ITPR2: variants seen among roughly 807,000 people sequenced by gnomAD.
ITPR2 encodes the protein inositol 1,4,5-trisphosphate-gated calcium channel ITPR2.
In ITPR2, 207 loss-of-function variants were observed where a neutral mutation model predicts 317.1. The observed-to-expected ratio is 0.65, with a 90% CI of 0.58 to 0.73. ITPR2 has a LOEUF of 0.73. Ranked by LOEUF, ITPR2 falls within the 30% of genes least tolerant of loss-of-function variation. The probability of loss-of-function intolerance (pLI) is 0.00; values close to 1 mark genes in which losing one functional copy is unlikely to be tolerated. For missense variants in ITPR2, 2,613 were observed against 3,284.0 expected, an observed-to-expected ratio of 0.80 and a Z score of 4.99; for synonymous variants, 1,156 against 1,149.1, an observed-to-expected ratio of 1.01 and a Z score of -0.12.
At chr12:26,770,789 C>T (rs1176115404) in intron 2 of ITPR2, among the ~76,000 whole-genome samples, 3 of 152,214 alleles carry the variant, frequency 2.0e-5, no homozygotes, top group Non-Finnish European at 4.4e-5. Flanking sequence ...TTTCCTGTGA[C>T]TGCTACAACA....
In ITPR2 at chr12:26,443,572, A is replaced by T. The variant is rs1315098943; in HGVS notation, c.6421T>A (p.Tyr2141Asn). ...ATCTGTGCAGTGTGGTTGGCATAATACTTTAAGGCTTCATCTCCTTCATCT... is the reference window on the plus strand; with the variant it reads ...ATCTGTGCAGTGTGGTTGGCATAATTCTTTAAGGCTTCATCTCCTTCATCT... ...DPDEGDEALK[Y>N]YANHTAQIEI... The change falls in exon 46 of 57, where the codon TAT becomes AAT. Residue 2141 changes from tyrosine (Y) to asparagine (N), a missense_variant. Coordinates refer to ENST00000381340, the MANE Select transcript of ITPR2 (RefSeq NM_002223.4). 6.2e-7 allele frequency: 1 copy of T among 1,612,782 alleles called. No homozygotes were observed. The highest frequency in any genetic ancestry group is 2.2e-5 in the East Asian group (1 of 44,862).
At chr12:26,753,276 C>T (rs865864488) in intron 2 of ITPR2, among the ~76,000 whole-genome samples, 2 of 152,192 alleles carry the variant, frequency 1.3e-5, no homozygotes, top group Non-Finnish European at 2.9e-5. Context: ...GGTAAAGTCC[C>T]TTTTGCCTAA....
At chr12:26,707,929 T>C (rs1948584266) in intron 9 of ITPR2, among the ~76,000 whole-genome samples, 1 of 151,728 alleles carries the variant, frequency 6.6e-6, no homozygotes, top group South Asian at 2.1e-4. Flanking sequence ...GATTTAAAAA[T>C]GAGTAAAAGA....
chr12:26,515,168 A>G (rs1172349071), intron 37 of ITPR2, among the ~76,000 whole-genome samples: 1 of 152,230 alleles, frequency 6.6e-6, no homozygotes, highest in Non-Finnish European at 1.5e-5. Context: ...AAATCAAAAG[A>G]TATAGGGAGA....
chr12:26,491,702 G>A (rs1218434904), intron 39 of ITPR2, among the ~76,000 whole-genome samples: 1 of 152,060 alleles, frequency 6.6e-6, no homozygotes, highest in Non-Finnish European at 1.5e-5. Context: ...ACAGAAGTTG[G>A]TCATCAGTGG....
At chr12:26,397,210 T>C (rs2136644901) in intron 54 of ITPR2, among the ~76,000 whole-genome samples, 1 of 152,314 alleles carries the variant, frequency 6.6e-6, no homozygotes, top group East Asian at 1.9e-4. Context: ...ATGCGTGGTC[T>C]GGCCAACCTC....
intron 9 of ITPR2, among the ~76,000 whole-genome samples, chr12:26,699,646 T>C (rs1314175059): frequency 1.3e-5 from 2 of 151,646 alleles, no homozygotes; most frequent in Non-Finnish European, 2.9e-5. Context: ...ATAACAATAA[T>C]GATGTGGAAG....
intron 2 of ITPR2, among the ~76,000 whole-genome samples, chr12:26,782,037 T>TATAGAGAGAGAGAG (rs1950102369): frequency 1.9e-5 from 1 of 51,736 alleles, no homozygotes; most frequent in African/African-American, 5.7e-5. Flanking sequence ...TATATATGTA[T>TATAGAGAGAGAGAG]AGAGAGAGAG....
chr12:26,625,791 T>C (rs575694459), intron 23 of ITPR2, among the ~76,000 whole-genome samples: 10 of 152,316 alleles, frequency 6.6e-5, no homozygotes, highest in African/African-American at 2.2e-4. Context: ...ATTATATGGT[T>C]ATTTCCAAAC....
chr12:26,689,508 G>A (rs934769840), intron 10 of ITPR2, among the ~76,000 whole-genome samples: 1 of 151,928 alleles, frequency 6.6e-6, no homozygotes, highest in Non-Finnish European at 1.5e-5. Flanking sequence ...GAAGGATGGA[G>A]GGAAGGGCAA....
chr12:26,554,364 G>A (rs1944607371), intron 36 of ITPR2, among the ~76,000 whole-genome samples: 1 of 152,136 alleles, frequency 6.6e-6, no homozygotes, highest in African/African-American at 2.4e-5. Flanking sequence ...ACCATGTGTG[G>A]CTAGTAGCTA....
chr12:26,627,989 A>T, intron 23 of ITPR2, 44 bp downstream of exon 23: 1 of 1,524,728 alleles, frequency 6.6e-7, no homozygotes, highest in Non-Finnish European at 8.9e-7. Context: ...TCAAGTTCTC[A>T]GAAAAATAAA....
chr12:26,633,694 A>G (rs1249124516), intron 21 of ITPR2, among the ~76,000 whole-genome samples: 1 of 152,208 alleles, frequency 6.6e-6, no homozygotes, highest in Admixed American at 6.5e-5. Context: ...TGCTTGCTAC[A>G]TGGACTGCAG....
intron 21 of ITPR2, among the ~76,000 whole-genome samples, chr12:26,636,829 C>T (rs1190632629): frequency 1.3e-5 from 2 of 152,076 alleles, no homozygotes; most frequent in East Asian, 1.9e-4. Flanking sequence ...GGTTGGGAGA[C>T]GAATTCCAGT....
chr12:26,727,983 C>A (rs1948961640), intron 2 of ITPR2, among the ~76,000 whole-genome samples: 1 of 152,060 alleles, frequency 6.6e-6, no homozygotes, highest in Non-Finnish European at 1.5e-5. Context: ...TGCTAAGGGA[C>A]CCCTAACCAT....
At chr12:26,389,290 C>A (rs373034820) in intron 54 of ITPR2, among the ~76,000 whole-genome samples, 1 of 152,162 alleles carries the variant, frequency 6.6e-6, no homozygotes, top group African/African-American at 2.4e-5. Flanking sequence ...CAAGGACCTA[C>A]AAGTAGAGTT....
At chr12:26,815,849 T>C (rs1033787835) in intron 1 of ITPR2, among the ~76,000 whole-genome samples, 31 of 152,204 alleles carry the variant, frequency 2.0e-4, no homozygotes, top group African/African-American at 7.5e-4. Context: ...AACCCAGCAC[T>C]TTGGGAGGCT....
intron 47 of ITPR2, among the ~76,000 whole-genome samples, chr12:26,438,466 A>G (rs1463338539): frequency 1.3e-5 from 2 of 152,058 alleles, no homozygotes; most frequent in Non-Finnish European, 2.9e-5. Flanking sequence ...TTCGTGAAAA[A>G]CTCATGAGAT....
intron 52 of ITPR2, among the ~76,000 whole-genome samples, chr12:26,403,091 G>C (rs186595751): frequency 1.1e-4 from 16 of 152,340 alleles, no homozygotes; most frequent in African/African-American, 3.8e-4. Flanking sequence ...GGTATCACCT[G>C]AGTTGGATTT....
Sources: allele counts gnomAD v4.1 joint callset (sites outside exome capture counted in the v4.1 genomes callset), GRCh38; gene constraint gnomAD v4.1.1; transcripts MANE v1.5; gene names NCBI Gene and HGNC (gene_info 2026-07-23, HGNC 2026-07-21).